Variants in PCDHA1 observed in about 807,000 individuals in gnomAD.
PCDHA1 encodes the protein protocadherin alpha-1.
Under a neutral mutation model 61.3 loss-of-function variants are expected in PCDHA1, and 42 were observed. That is an observed-to-expected ratio of 0.69 (90% CI 0.54 to 0.89). PCDHA1 has a LOEUF of 0.89. PCDHA1 is among the 40% of genes least tolerant of loss of function. The pLI is 0.00. For synonymous variants in PCDHA1, 610 were observed against 553.8 expected, an observed-to-expected ratio of 1.10 and a Z score of -1.43; for missense variants, 1,256 against 1,235.3, an observed-to-expected ratio of 1.02 and a Z score of -0.25.
intron 1 of PCDHA1, among the ~76,000 whole-genome samples, chr5:140,936,010 A>G (rs1470244912): frequency 6.6e-6 from 1 of 150,776 alleles, no homozygotes; most frequent in Non-Finnish European, 1.5e-5. Context: ...CTCCCACCTC[A>G]GCCTCCCGAG....
intron 1 of PCDHA1, chr5:140,869,094 T>C (rs2050847018): frequency 6.3e-7 from 1 of 1,592,284 alleles, no homozygotes; most frequent in Non-Finnish European, 8.6e-7. Context: ...GGAAGCCAAT[T>C]TCGTATGCGA....
rs2098422926 is a variant in PCDHA1 at position 141,012,085 on chromosome 5, G to A, written c.*2148G>A. The A allele has an allele frequency of 1.3e-5, 2 of 153,740 alleles. No homozygotes were observed. Among genetic ancestry groups the A allele is most frequent in the Admixed American group, 1.3e-4 (2 of 15,280 alleles). 9.5% of individuals were successfully genotyped at this position (153,740 alleles called of 1,614,324 possible). A position where few individuals can be genotyped will look rare whatever the true frequency, so the allele number is the denominator to read the frequency against. ...ACATGTGAACCATTGCTACATTGTAGGTTGTGATCATTTTGCCCCACTGAA... is the reference window on the plus strand; with the variant it reads ...ACATGTGAACCATTGCTACATTGTAAGTTGTGATCATTTTGCCCCACTGAA... On this transcript the variant is annotated 3_prime_UTR_variant, in exon 4 of 4. Coordinates refer to ENST00000504120, the MANE Select transcript of PCDHA1 (RefSeq NM_018900.4).
chr5:140,831,196 T>TG (rs2150105872), intron 1 of PCDHA1: 1 of 152,356 alleles, frequency 6.6e-6, no homozygotes, highest in South Asian at 2.1e-4. Flanking sequence ...TTAGACCTTG[T>TG]GATCAAGTAA....
chr5:140,980,890 C>G (rs1554242450), intron 2 of PCDHA1, among the ~76,000 whole-genome samples: 1 of 152,104 alleles, frequency 6.6e-6, no homozygotes, highest in African/African-American at 2.4e-5. Flanking sequence ...TCTTTCCAGT[C>G]TTGGACATCA....
At chr5:140,968,990 T>C in intron 1 of PCDHA1, 1 of 1,614,254 alleles carries the variant, frequency 6.2e-7, no homozygotes, top group Non-Finnish European at 8.5e-7. Flanking sequence ...CACTGCATGC[T>C]GTGGAGGCTT....
chr5:140,884,460 C>A (rs782410675), intron 1 of PCDHA1: 72 of 1,613,614 alleles, frequency 4.5e-5, no homozygotes, highest in Non-Finnish European at 5.8e-5. Context: ...ACCGAGGGCG[C>A]GTGCGCGCCG....
intron 1 of PCDHA1, among the ~76,000 whole-genome samples, chr5:140,838,797 C>T (rs1775892609): frequency 6.6e-6 from 1 of 151,930 alleles, no homozygotes; most frequent in African/African-American, 2.4e-5. Flanking sequence ...TGATGCATGT[C>T]TGTAGTTTCA....
intron 1 of PCDHA1, chr5:140,856,575 A>G (rs2150361259): frequency 6.3e-7 from 1 of 1,597,272 alleles, no homozygotes; most frequent in African/African-American, 1.3e-5. Flanking sequence ...CCAAATGAGT[A>G]TTTTGTTCTT....
In PCDHA1 at chr5:140,798,797, C is replaced by T. The variant is rs143253632; in HGVS notation, c.2394+10113C>T. Among the ~76,000 whole-genome samples, 154 of 152,244 alleles carry T rather than the reference C, an allele frequency of 1.0e-3. 1 individual carries two copies. The highest frequency in any genetic ancestry group is 3.6e-3 in the African/African-American group (148 of 41,546). ...AAGTAAATGTTACACTTGGAAAGAACTTTTTTAGCTTTTCCAACCAAAGGC... is the reference window on the plus strand; with the variant it reads ...AAGTAAATGTTACACTTGGAAAGAATTTTTTTAGCTTTTCCAACCAAAGGC... On this transcript the variant is annotated intron_variant, in intron 1 of 3. Transcript: ENST00000504120.
intron 1 of PCDHA1, chr5:140,828,807 C>T: frequency 1.2e-6 from 2 of 1,614,222 alleles, no homozygotes; most frequent in African/African-American, 1.3e-5. Flanking sequence ...AATGATAATG[C>T]TCCCACTTTC....
At chr5:140,871,412 C>T (rs891491030) in intron 1 of PCDHA1, 2 of 1,613,976 alleles carry the variant, frequency 1.2e-6, no homozygotes, top group Non-Finnish European at 1.7e-6. Flanking sequence ...GACCTCATGG[C>T]CTTCAGCCCC....
intron 1 of PCDHA1, chr5:140,966,674 G>A: frequency 7.7e-7 from 1 of 1,295,168 alleles, no homozygotes; most frequent in Non-Finnish European, 1.0e-6. Flanking sequence ...GGCGCAGGGT[G>A]GCACGAGCGG....
intron 2 of PCDHA1, among the ~76,000 whole-genome samples, chr5:140,979,327 C>T (rs1446940311): frequency 5.9e-5 from 9 of 152,078 alleles, no homozygotes; most frequent in African/African-American, 2.2e-4. Context: ...CTTTCTTTTC[C>T]TCCTTTAAAA....
chr5:140,801,463 G>C, intron 1 of PCDHA1: 1 of 1,614,044 alleles, frequency 6.2e-7, no homozygotes, highest in Non-Finnish European at 8.5e-7. Flanking sequence ...GTGAATTCTC[G>C]GATAGACCGC....
chr5:140,936,744 T>A (rs1204618787), intron 1 of PCDHA1, among the ~76,000 whole-genome samples: 5 of 152,216 alleles, frequency 3.3e-5, no homozygotes, highest in Non-Finnish European at 5.9e-5. Context: ...AACTTTTCAT[T>A]TGTATTGATA....
chr5:140,946,791 T>C (rs1019495660), intron 1 of PCDHA1, among the ~76,000 whole-genome samples: 4 of 151,326 alleles, frequency 2.6e-5, no homozygotes, highest in Non-Finnish European at 4.4e-5. Flanking sequence ...GCTGATCTTA[T>C]AGAAGCAGAG....
rs373518493 is a variant in PCDHA1, at chr5:140,883,950, A to T, written c.2395-94999A>T. 129 of 1,613,288 alleles carry T rather than the reference A, an allele frequency of 8.0e-5. 1 individual carries two copies. In the East Asian group the frequency reaches 1.2e-3, roughly 15 times the overall value. Reference sequence around the variant, plus strand: ...GTGTTCGTGCTGGACGAGAACGACAACGCTCCGGCGCTGCTGACGCCCGGG... The same window carrying T: ...GTGTTCGTGCTGGACGAGAACGACATCGCTCCGGCGCTGCTGACGCCCGGG... On this transcript the variant is annotated intron_variant, in intron 1 of 3. Coordinates refer to ENST00000504120, the MANE Select transcript of PCDHA1 (RefSeq NM_018900.4).
At chr5:141,009,262 C>T (rs2098403740) in intron 3 of PCDHA1, among the ~76,000 whole-genome samples, 2 of 152,112 alleles carry the variant, frequency 1.3e-5, no homozygotes, top group Non-Finnish European at 2.9e-5. Flanking sequence ...TGAGACCAGC[C>T]TGGGCAACAT....
At chr5:140,882,648 A>C in intron 1 of PCDHA1, 1 of 1,614,216 alleles carries the variant, frequency 6.2e-7, no homozygotes, top group Non-Finnish European at 8.5e-7. Context: ...AGGGACATTA[A>C]CGACAACCCG....
Sources: allele counts gnomAD v4.1 joint callset (sites outside exome capture counted in the v4.1 genomes callset), GRCh38; gene constraint gnomAD v4.1.1; transcripts MANE v1.5; gene names NCBI Gene and HGNC (gene_info 2026-07-23, HGNC 2026-07-21).